LRRC27: variants seen among roughly 807,000 people sequenced by gnomAD.
The protein encoded by LRRC27 is leucine rich repeat containing 27.
Under a neutral mutation model 55.0 loss-of-function variants are expected in LRRC27, and 57 were observed. That is an observed-to-expected ratio of 1.04 (90% CI 0.84 to 1.29). LRRC27 has a LOEUF of 1.29. Among genes scored for constraint, LRRC27 ranks in the 50% most tolerant of loss-of-function variants. The pLI, the probability that LRRC27 is intolerant of heterozygous loss-of-function variation, is 0.00. For synonymous variants in LRRC27, 278 were observed against 251.9 expected (o/e 1.10, Z -0.98); for missense variants, 721 against 651.5 (o/e 1.11, Z -1.16).
chr10:132,353,110 C>A (rs1005763721), intron 7 of LRRC27: 20 of 1,475,530 alleles, frequency 1.4e-5, no homozygotes, highest in South Asian at 5.3e-5. Flanking sequence ...AGCCACAGCA[C>A]CCCCGTGCCC....
intron 4 of LRRC27, among the ~76,000 whole-genome samples, chr10:132,343,020 A>T (rs2067492520): frequency 6.6e-6 from 1 of 152,248 alleles, no homozygotes; most frequent in African/African-American, 2.4e-5. Context: ...TTAAAAGAAC[A>T]GTTGAGACCA....
chr10:132,348,324 G>T lies in LRRC27; in HGVS notation c.894G>T (p.Glu298Asp). ...PPNLKAALNI[E>D]KELPKPRHVF... The stretch of plus-strand genomic sequence containing the variant: ...ATCTCAAGGCGGCCTTGAACATTGA[G>T]AAAGAACTACCAAAGCCAAGACACG... The change falls in exon 6 of 11, where the codon GAG becomes GAT. Residue 298 changes from glutamate to aspartate, a missense_variant. Physicochemically the swap from Glu to Asp is conservative, Grantham distance 45. Transcript: ENST00000368614. The surrounding 1 kb of genome is among the most constrained non-coding windows in gnomAD (Gnocchi z 4.2). 1 of 1,613,524 alleles carries T rather than the reference G, an allele frequency of 6.2e-7. No individual in the cohort carries two copies. Among genetic ancestry groups the T allele is most frequent in the Non-Finnish European group, 8.5e-7 (1 of 1,179,640 alleles).
chr10:132,373,934 G>T (rs1478878175), intron 10 of LRRC27, among the ~76,000 whole-genome samples: 3 of 152,208 alleles, frequency 2.0e-5, no homozygotes, highest in Non-Finnish European at 4.4e-5. Context: ...GTTTCTATGG[G>T]AAGCAAAATT....
intron 3 of LRRC27, among the ~76,000 whole-genome samples, chr10:132,339,422 A>T (rs946602553): frequency 6.6e-6 from 1 of 152,236 alleles, no homozygotes; most frequent in African/African-American, 2.4e-5. Context: ...TGGTGTCCGG[A>T]GCAGGTGGAA....
In LRRC27 at chr10:132,365,412, T is replaced by G. The variant is rs376935845; in HGVS notation, c.1290-12T>G. Reference sequence around the variant, plus strand: ...TGTCAAGTCATTTCCCTCTTTGCCCTTTGTTTCTCAGTGCCCTGCAGGAGA... The same window carrying G: ...TGTCAAGTCATTTCCCTCTTTGCCCGTTGTTTCTCAGTGCCCTGCAGGAGA... On this transcript the variant is annotated splice_polypyrimidine_tract_variant and intron_variant, in intron 9 of 10. Transcript: ENST00000368614. 2 of 1,613,118 alleles carry G rather than the reference T, an allele frequency of 1.2e-6. No homozygotes were observed. Among genetic ancestry groups the G allele is most frequent in the Non-Finnish European group, 1.7e-6 (2 of 1,179,660 alleles).
At position 132,376,283 on chromosome 10, in the gene LRRC27, A is replaced by G. The variant is rs533240301; in HGVS notation, c.*1041A>G. 1 of 152,182 alleles carries G rather than the reference A, an allele frequency of 6.6e-6. No individual in the cohort carries two copies. Among genetic ancestry groups the G allele is most frequent in the Non-Finnish European group, 1.5e-5 (1 of 68,042 alleles). 9.4% of individuals were successfully genotyped at this position (152,182 alleles called of 1,614,324 possible). ...GGATTTGCTGTTTGTCTTCTGTCTC[A>G]TGGGTCTCTGCGCCCTGCACTTCGT... is the stretch of plus-strand genomic sequence containing the variant. On this transcript the variant is annotated 3_prime_UTR_variant, in exon 11 of 11. Transcript: ENST00000368614.
intron 9 of LRRC27, among the ~76,000 whole-genome samples, chr10:132,364,549 A>ACGCCCACAATTACACC (rs2068899200): frequency 2.9e-5 from 1 of 34,362 alleles, no homozygotes; most frequent in Admixed American, 2.9e-4. Flanking sequence ...ATCTACCTCC[A>ACGCCCACAATTACACC]CACCCACACT....
chr10:132,364,807 C>A (rs866687606), intron 9 of LRRC27, among the ~76,000 whole-genome samples: 10 of 119,752 alleles, frequency 8.4e-5, no homozygotes, highest in Admixed American at 2.4e-4. Flanking sequence ...CCCACCCACA[C>A]TTACACCCAC....
At chr10:132,359,155 AGCG>A (rs1368333696) in intron 8 of LRRC27, among the ~76,000 whole-genome samples, 1 of 88,510 alleles carries the variant, frequency 1.1e-5, no homozygotes. Context: ...GTGGTGGAGC[AGCG>A]TGGGGAGGTG....
chr10:132,349,061 T>C (rs1413929688), intron 6 of LRRC27: 82 of 1,600,158 alleles, frequency 5.1e-5, no homozygotes, highest in Non-Finnish European at 6.7e-5. Flanking sequence ...ATGGGAGGTA[T>C]GTATCTGTGG....
At chr10:132,358,364 G>T (rs1163013994) in intron 8 of LRRC27, among the ~76,000 whole-genome samples, 3 of 108,862 alleles carry the variant, frequency 2.8e-5, no homozygotes, top group Non-Finnish European at 3.8e-5. Flanking sequence ...GTGGAGCAGC[G>T]TGGGGAGGAG....
chr10:132,366,757 C>G (rs544813792), intron 10 of LRRC27: 2 of 1,035,760 alleles, frequency 1.9e-6, no homozygotes, highest in African/African-American at 3.4e-5. Context: ...AGCACTGTCA[C>G]GGGGGAGGAA....
intron 2 of LRRC27, chr10:132,336,679 G>A: frequency 1.5e-6 from 1 of 688,908 alleles, no homozygotes; most frequent in East Asian, 2.7e-5. Flanking sequence ...GGAGCACAGA[G>A]AGGTTCAGGA....
rs1304360552 is a variant in LRRC27, at chr10:132,365,503, C to T, written c.1369C>T (p.Gln457Ter). ...GCGTGAGCAAAGAAGATTCCATGGC[C>T]AGGCCCCACTGGAGGAGATGAGGAA... ...QMREQRRFHG[Q>*]APLEEMRKAA... Residue 457 changes from glutamine (Q) to a stop codon, truncating the protein, a stop_gained, in exon 10 of 11, where the codon CAG becomes TAG. Transcript: ENST00000368614. LOFTEE classifies it low-confidence loss of function (END_TRUNC). 6.8e-6 allele frequency: 11 copies of T among 1,613,564 alleles called. No homozygotes were observed. The highest frequency in any genetic ancestry group is 4.4e-5 in the South Asian group (4 of 91,086).
Position 132,367,140 on chromosome 10 carries a change from A to C in LRRC27, c.1416+1590A>C, listed in dbSNP as rs371854380. The stretch of plus-strand genomic sequence containing the variant: ...TGGTATTATGAACAACTCTAGCCAC[A>C]GATTTGATAAATTTAGTGAAATAGA... On this transcript the variant is annotated intron_variant, in intron 10 of 10. Transcript: ENST00000368614. The C allele has an allele frequency of 5.7e-5, 18 of 317,188 alleles. No homozygotes were observed. The East Asian group carries it at 1.7e-3, about 29-fold the overall frequency. The allele number at this position is 317,188 out of a possible 1,614,324, so 19.6% of individuals were successfully genotyped here.
intron 7 of LRRC27, among the ~76,000 whole-genome samples, chr10:132,354,396 G>A (rs2068211013): frequency 6.6e-6 from 1 of 152,226 alleles, no homozygotes; most frequent in South Asian, 2.1e-4. Flanking sequence ...GGTGTGACCA[G>A]AAGACAGTGA....
chr10:132,359,447 G>A (rs1217808271), intron 8 of LRRC27, among the ~76,000 whole-genome samples: 3 of 152,222 alleles, frequency 2.0e-5, no homozygotes, highest in Non-Finnish European at 4.4e-5. Flanking sequence ...CCAGCTCCCT[G>A]CAGCTGGGCA....
intron 10 of LRRC27, among the ~76,000 whole-genome samples, chr10:132,373,359 A>G (rs2069260375): frequency 6.6e-6 from 1 of 152,156 alleles, no homozygotes; most frequent in Admixed American, 6.5e-5. Context: ...GGCTCGTCAC[A>G]AAGGAACCAA....
At chr10:132,353,026 T>C in intron 7 of LRRC27, 1 of 1,592,436 alleles carries the variant, frequency 6.3e-7, no homozygotes. Context: ...CAGTGTCTTC[T>C]CTGTCCTCCA....
Sources: allele counts gnomAD v4.1 joint callset (sites outside exome capture counted in the v4.1 genomes callset), GRCh38; gene constraint gnomAD v4.1.1; non-coding constraint Gnocchi (gnomAD v3.1); transcripts MANE v1.5; gene names NCBI Gene and HGNC (gene_info 2026-07-23, HGNC 2026-07-21).